The following ERC2 variants were observed in gnomAD, a reference collection of about 807,000 sequenced individuals.
ERC2 encodes ERC protein 2.
A neutral mutation model predicts 114.8 loss-of-function variants in ERC2; 42 were observed. The ratio of observed to expected loss-of-function variants is 0.37; its 90% CI spans 0.29 to 0.47. ERC2 has a LOEUF of 0.47. Among genes scored for constraint, ERC2 ranks in the 20% least tolerant of loss-of-function variants. The pLI is 0.99. For synonymous variants in ERC2, 454 were observed against 425.5 expected (o/e 1.07, Z -0.82); for missense variants, 939 against 1,150.7 (o/e 0.82, Z 2.66).
chr3:56,200,081 C>T (rs1294746441), intron 3 of ERC2, among the ~76,000 whole-genome samples: 1 of 47,124 alleles, frequency 2.1e-5, no homozygotes, highest in Non-Finnish European at 5.3e-5. Context: ...GATTGAATAC[C>T]TATCTCTCAA....
chr3:55,631,711 A>G (rs1250447729), intron 17 of ERC2, among the ~76,000 whole-genome samples: 1 of 151,860 alleles, frequency 6.6e-6, no homozygotes, highest in Non-Finnish European at 1.5e-5. Flanking sequence ...GCTTTTGGCC[A>G]GCCACCAACC....
intron 17 of ERC2, among the ~76,000 whole-genome samples, chr3:55,682,582 C>G (rs536693940): frequency 1.3e-5 from 2 of 152,302 alleles, no homozygotes; most frequent in African/African-American, 4.8e-5. Context: ...AACGTACCAG[C>G]TCTTGGTTAA....
At chr3:56,251,756 A>G (rs1199585453) in intron 3 of ERC2, among the ~76,000 whole-genome samples, 1 of 152,220 alleles carries the variant, frequency 6.6e-6, no homozygotes, top group Non-Finnish European at 1.5e-5. Flanking sequence ...CACAGCCTTA[A>G]ATATGTTAAC....
chr3:56,194,687 C>T (rs983489058), intron 3 of ERC2, among the ~76,000 whole-genome samples: 4 of 152,110 alleles, frequency 2.6e-5, no homozygotes, highest in Non-Finnish European at 5.9e-5. Flanking sequence ...TGTGCTACAG[C>T]GTTACAACAG....
intron 10 of ERC2, among the ~76,000 whole-genome samples, chr3:55,999,145 A>G (rs567703022): frequency 5.3e-5 from 8 of 152,296 alleles, no homozygotes; most frequent in Non-Finnish European, 7.4e-5. Flanking sequence ...CTGATGAAAC[A>G]CGCATATTAT....
intron 3 of ERC2, among the ~76,000 whole-genome samples, chr3:56,197,902 A>G (rs776783227): frequency 1.3e-5 from 2 of 152,194 alleles, no homozygotes; most frequent in Admixed American, 6.5e-5. Context: ...TCTAGTTTTG[A>G]CTTCAAGTAT....
chr3:55,788,122 A>G (rs2069660910), intron 14 of ERC2, among the ~76,000 whole-genome samples: 3 of 152,218 alleles, frequency 2.0e-5, no homozygotes, highest in Admixed American at 6.5e-5. Flanking sequence ...AAACTCATTC[A>G]CCTTAATTAC....
At chr3:56,049,221 G>A (rs1032831887) in intron 7 of ERC2, among the ~76,000 whole-genome samples, 2 of 152,168 alleles carry the variant, frequency 1.3e-5, no homozygotes, top group South Asian at 2.1e-4. Context: ...CTGGCTGCTG[G>A]GGGTGAGCGC....
chr3:55,932,447 A>G (rs989663339), intron 13 of ERC2, among the ~76,000 whole-genome samples: 9 of 152,154 alleles, frequency 5.9e-5, no homozygotes, highest in Admixed American at 5.9e-4. Context: ...TTTTCTTAGT[A>G]ATTCTGCCTG....
intron 3 of ERC2, among the ~76,000 whole-genome samples, chr3:56,192,670 G>A (rs1292416548): frequency 6.6e-6 from 1 of 152,132 alleles, no homozygotes; most frequent in Non-Finnish European, 1.5e-5. Context: ...ACCCAGGCAG[G>A]AGTGGGAATC....
In ERC2 at chr3:55,683,730, C is replaced by T. The variant is rs184073740; in HGVS notation, c.*39+64G>A. The T allele has an allele frequency of 9.8e-4, 1,271 of 1,301,306 alleles. 2 individuals are homozygous for T. The highest frequency in any genetic ancestry group is 1.5e-3 in the Admixed American group (82 of 52,964). The allele number at this position is 1,301,306 out of a possible 1,614,324, so 80.6% of individuals were successfully genotyped here. On this transcript the variant is annotated intron_variant, in intron 17 of 17. Coordinates refer to ENST00000288221, the MANE Select transcript of ERC2 (RefSeq NM_015576.3). Reference sequence around the variant, plus strand: ...AAACATCAGCGAGCACAATCGAGCACGCACACAATACAACACTAGAATGCA... The same window carrying T: ...AAACATCAGCGAGCACAATCGAGCATGCACACAATACAACACTAGAATGCA...
intron 7 of ERC2, among the ~76,000 whole-genome samples, chr3:56,065,410 A>G (rs1193506168): frequency 6.6e-6 from 1 of 151,704 alleles, no homozygotes; most frequent in Non-Finnish European, 1.5e-5. Flanking sequence ...TTGTGTAGAG[A>G]CAGGTCTCAC....
At chr3:55,651,014 A>ATTTTTTTTTTT (rs71096493) in intron 17 of ERC2, among the ~76,000 whole-genome samples, 4 of 96,318 alleles carry the variant, frequency 4.2e-5, no homozygotes, top group Non-Finnish European at 7.8e-5. Context: ...CACCCAGCTA[A>ATTTTTTTTTTT]TTTTTTTTTT....
chr3:55,972,803 A>C lies in ERC2; in HGVS notation c.2267+13174T>G, dbSNP rs912608918. Among the ~76,000 whole-genome samples the C allele has an allele frequency of 2.6e-5, 4 of 152,168 alleles. No individual in the cohort carries two copies. The East Asian group carries it at 7.7e-4, about 29-fold the overall frequency. On this transcript the variant is annotated intron_variant, in intron 12 of 17. Coordinates refer to ENST00000288221, the MANE Select transcript of ERC2 (RefSeq NM_015576.3). ...GTCTTTTGAGAGAAATCAGGGAGTAACATTAAATTTGAACTTCAAGGATGT... is the reference window on the plus strand; with the variant it reads ...GTCTTTTGAGAGAAATCAGGGAGTACCATTAAATTTGAACTTCAAGGATGT...
chr3:56,046,136 C>T (rs761450360), intron 7 of ERC2, among the ~76,000 whole-genome samples: 3 of 152,108 alleles, frequency 2.0e-5, no homozygotes, highest in Non-Finnish European at 4.4e-5. Context: ...TCTGGAAACA[C>T]TTGCACTGAA....
chr3:56,017,701 T>G (rs1346784690), intron 8 of ERC2, among the ~76,000 whole-genome samples: 2 of 152,146 alleles, frequency 1.3e-5, no homozygotes, highest in Non-Finnish European at 2.9e-5. Context: ...CCTCCCTGCC[T>G]TCTCTTCTTT....
At chr3:56,049,890 C>T (rs75103839) in intron 7 of ERC2, among the ~76,000 whole-genome samples, 142 of 151,234 alleles carry the variant, frequency 9.4e-4, no homozygotes, top group African/African-American at 3.4e-3. Flanking sequence ...TTCTAGAGAA[C>T]CCTAACACAG....
chr3:56,030,320 T>C (rs1324234863), intron 7 of ERC2, among the ~76,000 whole-genome samples: 2 of 152,222 alleles, frequency 1.3e-5, no homozygotes, highest in Non-Finnish European at 2.9e-5. Flanking sequence ...AATCAGTTGA[T>C]AGAATTGATC....
chr3:55,782,476 G>A (rs531492997), intron 14 of ERC2, among the ~76,000 whole-genome samples: 2 of 152,136 alleles, frequency 1.3e-5, no homozygotes, highest in Admixed American at 6.5e-5. Flanking sequence ...CCATTTCACA[G>A]GGCAGGCTGC....
Sources: allele counts gnomAD v4.1 joint callset (sites outside exome capture counted in the v4.1 genomes callset), GRCh38; gene constraint gnomAD v4.1.1; transcripts MANE v1.5; gene names NCBI Gene and HGNC (gene_info 2026-07-23, HGNC 2026-07-21).